Variants in QKI observed in about 807,000 individuals in gnomAD.
QKI encodes the protein QKI, KH domain containing RNA binding, also known as KH domain-containing RNA-binding protein QKI.
QKI carries 10 observed loss-of-function variants against 39.0 expected under a neutral mutation model. The ratio of observed to expected loss-of-function variants is 0.26; its 90% CI spans 0.16 to 0.43. The LOEUF is 0.43. Among genes scored for constraint, QKI ranks in the 20% least tolerant of loss-of-function variants. The pLI, the probability that QKI is intolerant of heterozygous loss-of-function variation, is 1.00. For synonymous variants in QKI, 204 were observed against 155.4 expected, an observed-to-expected ratio of 1.31 and a Z score of -2.33; for missense variants, 218 against 428.0, an observed-to-expected ratio of 0.51 and a Z score of 4.33.
chr6:163,491,059 T>C (rs764796561), intron 3 of QKI, among the ~76,000 whole-genome samples: 36 of 152,190 alleles, frequency 2.4e-4, no homozygotes, highest in Non-Finnish European at 4.3e-4. Context: ...TCATGTGATA[T>C]GGTGTTGAAT....
chr6:163,553,247 G>A (rs1049780689), intron 4 of QKI, among the ~76,000 whole-genome samples: 6 of 151,856 alleles, frequency 4.0e-5, no homozygotes, highest in Non-Finnish European at 8.8e-5. Context: ...AGGATTACAG[G>A]CGTGCACCAC....
intron 1 of QKI, among the ~76,000 whole-genome samples, chr6:163,448,303 A>G (rs940851744): frequency 6.7e-6 from 1 of 150,290 alleles, no homozygotes; most frequent in Non-Finnish European, 1.5e-5. Context: ...CCTTGGAATA[A>G]GGTTCCATCT....
In QKI at chr6:163,576,138, T is replaced by C. The variant is rs1321617720; in HGVS notation, c.*5428T>C. On this transcript the variant is annotated 3_prime_UTR_variant, in exon 8 of 8. Transcript: ENST00000361752. The stretch of plus-strand genomic sequence containing the variant: ...AAAAATATGGACAATATTTTAGAAA[T>C]ATGTGCTACACATCTAATTTTATCT... 1 of 152,214 alleles carries C rather than the reference T, an allele frequency of 6.6e-6. No individual in the cohort carries two copies. Among genetic ancestry groups the C allele is most frequent in the Non-Finnish European group, 1.5e-5 (1 of 68,042 alleles). The allele number at this position is 152,214 out of a possible 1,614,324, so 9.4% of individuals were successfully genotyped here.
intron 2 of QKI, among the ~76,000 whole-genome samples, chr6:163,472,130 T>A (rs1792243001): frequency 6.6e-6 from 1 of 152,194 alleles, no homozygotes; most frequent in Non-Finnish European, 1.5e-5. Flanking sequence ...GATAGCCTAC[T>A]GTCGACTGGA....
chr6:163,415,728 C>T (rs529500610), intron 1 of QKI, among the ~76,000 whole-genome samples: 3 of 152,010 alleles, frequency 2.0e-5, no homozygotes, highest in Admixed American at 2.0e-4. Flanking sequence ...CGCCGCCGGC[C>T]TGGAGGACGC....
At chr6:163,464,417 C>G (rs193069553) in intron 2 of QKI, among the ~76,000 whole-genome samples, 296 of 151,614 alleles carry the variant, frequency 2.0e-3, no homozygotes, top group Non-Finnish European at 3.0e-3. Context: ...TTCAACAAAA[C>G]AGAGTTGGTT....
chr6:163,438,551 G>GCA (rs2128213773), intron 1 of QKI, among the ~76,000 whole-genome samples: 1 of 152,280 alleles, frequency 6.6e-6, no homozygotes, highest in Admixed American at 6.5e-5. Flanking sequence ...AACCTGTACA[G>GCA]CATGCTACTG....
chr6:163,567,458 AAT>A, intron 7 of QKI: 1 of 985,142 alleles, frequency 1.0e-6, no homozygotes, highest in Non-Finnish European at 1.2e-6. Context: ...TTGCTGCTAA[AAT>A]ATATTATCTG....
intron 1 of QKI, among the ~76,000 whole-genome samples, chr6:163,422,071 A>G (rs1788037523): frequency 6.6e-6 from 1 of 152,152 alleles, no homozygotes; most frequent in Non-Finnish European, 1.5e-5. Flanking sequence ...CAAGCTCTAA[A>G]CTGTTTATTA....
At chr6:163,564,765 TG>T in intron 6 of QKI, 1 of 1,612,230 alleles carries the variant, frequency 6.2e-7, no homozygotes, top group Admixed American at 1.7e-5. Context: ...CCAGTCAATG[TG>T]GAACAAACTG....
intron 4 of QKI, among the ~76,000 whole-genome samples, chr6:163,539,515 C>T (rs932943171): frequency 2.6e-5 from 4 of 152,102 alleles, no homozygotes; most frequent in African/African-American, 9.7e-5. Context: ...CCTCAGTCAT[C>T]CAGCCTCATG....
chr6:163,464,963 C>T (rs551527281), intron 2 of QKI, among the ~76,000 whole-genome samples: 2 of 152,232 alleles, frequency 1.3e-5, no homozygotes, highest in South Asian at 2.1e-4. Flanking sequence ...AATTGAATAG[C>T]ACATTAAAAG....
At chr6:163,438,499 A>C (rs1341358731) in intron 1 of QKI, among the ~76,000 whole-genome samples, 2 of 152,174 alleles carry the variant, frequency 1.3e-5, no homozygotes, top group Non-Finnish European at 2.9e-5. Context: ...CCTACTACAC[A>C]CCTCAGCTGT....
intron 1 of QKI, among the ~76,000 whole-genome samples, chr6:163,446,990 G>T (rs1790202871): frequency 1.3e-5 from 2 of 152,154 alleles, no homozygotes; most frequent in Non-Finnish European, 2.9e-5. Context: ...TATTAAAACA[G>T]TGAACATACT....
intron 3 of QKI, among the ~76,000 whole-genome samples, chr6:163,484,239 A>G (rs535996020): frequency 6.8e-6 from 1 of 146,694 alleles, no homozygotes; most frequent in Non-Finnish European, 1.5e-5. Context: ...GTCTCACTCT[A>G]CCGCCCAGGC....
chr6:163,474,414 A>G (rs1792427460), intron 2 of QKI, among the ~76,000 whole-genome samples: 1 of 152,324 alleles, frequency 6.6e-6, no homozygotes, highest in Non-Finnish European at 1.5e-5. Context: ...TTTAGCATCC[A>G]AAAGAATCTA....
At chr6:163,430,180 T>C (rs1788715063) in intron 1 of QKI, among the ~76,000 whole-genome samples, 1 of 152,190 alleles carries the variant, frequency 6.6e-6, no homozygotes, top group Admixed American at 6.5e-5. Flanking sequence ...ACCTTTGGTC[T>C]TAGCTTTTTC....
chr6:163,438,994 C>T (rs747114580), intron 1 of QKI, among the ~76,000 whole-genome samples: 5 of 151,932 alleles, frequency 3.3e-5, no homozygotes, highest in African/African-American at 7.3e-5. Flanking sequence ...TTTCTGTTTT[C>T]GAACTTTTCT....
At chr6:163,450,193 G>T (rs1790450353) in intron 1 of QKI, among the ~76,000 whole-genome samples, 1 of 152,104 alleles carries the variant, frequency 6.6e-6, no homozygotes, top group Non-Finnish European at 1.5e-5. Context: ...GAGTAGCTGG[G>T]ATGACAGGTG....
Sources: allele counts gnomAD v4.1 joint callset (sites outside exome capture counted in the v4.1 genomes callset), GRCh38; gene constraint gnomAD v4.1.1; transcripts MANE v1.5; gene names NCBI Gene and HGNC (gene_info 2026-07-23, HGNC 2026-07-21).